Variants in TOX observed in about 807,000 individuals in gnomAD.
TOX encodes thymocyte selection associated high mobility group box, also known as thymocyte selection-associated high mobility group box protein TOX.
Under a neutral mutation model 53.7 loss-of-function variants are expected in TOX, and 11 were observed. The ratio of observed to expected loss-of-function variants is 0.20; its 90% confidence interval spans 0.13 to 0.34. The LOEUF is 0.34. Among genes scored for constraint, TOX ranks in the 10% least tolerant of loss-of-function variants. The probability of loss-of-function intolerance (pLI) is 1.00; values close to 1 mark genes in which losing one functional copy is unlikely to be tolerated. For missense variants in TOX, 570 were observed against 664.6 expected (o/e 0.86, Z 1.56); for synonymous variants, 225 against 245.3 (o/e 0.92, Z 0.77).
intron 3 of TOX, among the ~76,000 whole-genome samples, chr8:58,937,228 C>G (rs1812360507): frequency 6.6e-6 from 1 of 152,232 alleles, no homozygotes; most frequent in African/African-American, 2.4e-5. Context: ...AATAGCAAAT[C>G]AGAGCTTCAT....
chr8:58,820,403 T>C (rs1267118407), intron 6 of TOX, among the ~76,000 whole-genome samples: 2 of 152,190 alleles, frequency 1.3e-5, no homozygotes, highest in Non-Finnish European at 2.9e-5. Context: ...ATTGCCTTTA[T>C]TTAATAAACC....
At chr8:59,006,310 T>C (rs113256490) in intron 1 of TOX, among the ~76,000 whole-genome samples, 2,833 of 152,286 alleles carry the variant, frequency 0.019, 102 homozygotes, top group African/African-American at 0.065. Flanking sequence ...TCAGAAAAAC[T>C]GGGATGCTGT....
chr8:58,816,962 T>C (rs1242527297), intron 6 of TOX, among the ~76,000 whole-genome samples: 1 of 152,116 alleles, frequency 6.6e-6, no homozygotes, highest in Non-Finnish European at 1.5e-5. Context: ...TGCAGTCAAG[T>C]TTCATGAAAA....
At chr8:58,978,941 C>T (rs1813154664) in intron 1 of TOX, among the ~76,000 whole-genome samples, 1 of 152,198 alleles carries the variant, frequency 6.6e-6, no homozygotes, top group Admixed American at 6.5e-5. Flanking sequence ...GCCAATGCTG[C>T]CTGTATCTAC....
chr8:58,902,129 T>G (rs13263261), intron 3 of TOX, among the ~76,000 whole-genome samples: 83,884 of 151,984 alleles, frequency 0.55, 23,642 homozygotes, highest in African/African-American at 0.66. Flanking sequence ...ATAAATCTGT[T>G]ATTTCAAATT....
chr8:59,093,754 G>C (rs533572458), intron 1 of TOX, among the ~76,000 whole-genome samples: 158 of 152,262 alleles, frequency 1.0e-3, no homozygotes, highest in African/African-American at 3.6e-3. Context: ...TTGATAACTT[G>C]ATTGTTGAGC....
At chr8:58,825,037 T>G (rs536852581) in intron 6 of TOX, among the ~76,000 whole-genome samples, 1 of 152,248 alleles carries the variant, frequency 6.6e-6, no homozygotes, top group Non-Finnish European at 1.5e-5. Flanking sequence ...TGTTTAAATA[T>G]GACTGGTTAT....
chr8:58,934,825 C>G (rs936876636), intron 3 of TOX, among the ~76,000 whole-genome samples: 1 of 152,194 alleles, frequency 6.6e-6, no homozygotes, highest in Non-Finnish European at 1.5e-5. Context: ...TATGTGCCAG[C>G]TACTGGTCTG....
intron 1 of TOX, among the ~76,000 whole-genome samples, chr8:59,106,240 A>C (rs1431871035): frequency 1.3e-5 from 2 of 151,868 alleles, no homozygotes; most frequent in African/African-American, 4.8e-5. Flanking sequence ...AAGTTATAGA[A>C]AGGCAATTGA....
At chr8:58,859,163 C>T (rs2129168943) in intron 3 of TOX, among the ~76,000 whole-genome samples, 1 of 152,124 alleles carries the variant, frequency 6.6e-6, no homozygotes, top group South Asian at 2.1e-4. Flanking sequence ...TTTAAATAAA[C>T]TTTATTTTAA....
chr8:59,102,017 G>T lies in TOX; in HGVS notation c.102+16869C>A, dbSNP rs1013305507. Among the ~76,000 whole-genome samples, 5 of 152,284 alleles carry T rather than the reference G, an allele frequency of 3.3e-5. No homozygotes were observed. In the South Asian group the frequency reaches 1.0e-3, roughly 32 times the overall value. ...TGCAGGTGGGAGAGTGGTAGTGAAA[G>T]GGCATCCATATCAGTTTGTTTTCAT... On this transcript the variant is annotated intron_variant, in intron 1 of 8. Transcript: ENST00000361421.
At chr8:58,853,378 T>C (rs1217458807) in intron 3 of TOX, among the ~76,000 whole-genome samples, 1 of 152,200 alleles carries the variant, frequency 6.6e-6, no homozygotes, top group East Asian at 1.9e-4. Context: ...TACTATTCAA[T>C]GGTGCATGCA....
chr8:58,815,536 G>A lies in TOX; in HGVS notation c.1194C>T (p.Pro398=). 1.2e-6 allele frequency: 2 copies of A among 1,614,098 alleles called. No homozygotes were observed. The highest frequency in any genetic ancestry group is 1.1e-5 in the South Asian group (1 of 91,064). ...TCACTGGCATTTGGTTATTCGGCTTGGGGGCTATGTTCCTGGGGAGACTAG... is the reference window on the plus strand; with the variant it reads ...TCACTGGCATTTGGTTATTCGGCTTAGGGGCTATGTTCCTGGGGAGACTAG... The part of the protein sequence containing the change: ...MHPSLPRNIA[P]KPNNQMPVTV... The change falls in exon 7 of 9, where the codon CCC becomes CCT. Residue 398 remains proline (P), a synonymous_variant. Transcript: ENST00000361421.
intron 3 of TOX, among the ~76,000 whole-genome samples, chr8:58,855,829 C>T (rs1020691792): frequency 6.6e-6 from 1 of 152,200 alleles, no homozygotes; most frequent in Non-Finnish European, 1.5e-5. Context: ...ACCTAAATCT[C>T]TCTCCCTTAA....
chr8:58,963,314 T>TAGATAGATAG (rs1554533756), intron 1 of TOX, among the ~76,000 whole-genome samples: 17 of 130,744 alleles, frequency 1.3e-4, no homozygotes, highest in African/African-American at 4.0e-4. Context: ...TAGATATATA[T>TAGATAGATAG]ATAGATAGAT....
chr8:58,843,252 A>G (rs1380487846), intron 4 of TOX, among the ~76,000 whole-genome samples: 2 of 152,238 alleles, frequency 1.3e-5, no homozygotes, highest in Non-Finnish European at 2.9e-5. Flanking sequence ...GAAAACTGGC[A>G]TCTGAGAAGA....
Position 58,815,444 on chromosome 8 carries a change from T to C in TOX, c.1286A>G (p.Gln429Arg). 1.9e-6 allele frequency: 3 copies of C among 1,614,094 alleles called. No individual in the cohort carries two copies. The highest frequency in any genetic ancestry group is 1.7e-6 in the Non-Finnish European group (2 of 1,179,998). Residue 429 changes from glutamine to arginine, a missense_variant, in exon 7 of 9, where the codon CAG becomes CGG. By Grantham distance (43) the Gln-to-Arg change is conservative. Around this residue, in one of 3 missense-constraint regions of TOX, gnomAD observed 239 missense variants for 250.7 expected, o/e 0.95. Coordinates refer to ENST00000361421, the MANE Select transcript of TOX (RefSeq NM_014729.3). ...PPLQISPPLH[Q>R]HLNMQQHQPL... ...CTGGTGCTGCTGCATGTTGAGATGC[T>C]GGTGAAGAGGCGGGCTGATCTGGAG... is the stretch of plus-strand genomic sequence containing the variant.
intron 3 of TOX, among the ~76,000 whole-genome samples, chr8:58,898,762 C>CA (rs1811689442): frequency 6.6e-6 from 1 of 152,204 alleles, no homozygotes; most frequent in South Asian, 2.1e-4. Flanking sequence ...CCCACGAGGA[C>CA]ACTGACTAAG....
intron 5 of TOX, 75 bp downstream of exon 5, chr8:58,838,006 A>G: frequency 4.3e-6 from 6 of 1,405,208 alleles, no homozygotes; most frequent in Non-Finnish European, 5.9e-6. Context: ...ATTTACCCCA[A>G]GCCCTGGGAG....
Sources: allele counts gnomAD v4.1 joint callset (sites outside exome capture counted in the v4.1 genomes callset), GRCh38; gene constraint gnomAD v4.1.1; regional missense constraint gnomAD v4.1.1; transcripts MANE v1.5; gene names NCBI Gene and HGNC (gene_info 2026-07-23, HGNC 2026-07-21).